The following SH3PXD2A variants were observed in gnomAD, a reference collection of about 807,000 sequenced individuals.
SH3PXD2A encodes SH3 and PX domains 2A.
In SH3PXD2A, 32 loss-of-function variants were observed where a neutral mutation model predicts 115.2. The ratio of observed to expected loss-of-function variants is 0.28; its 90% CI spans 0.21 to 0.37. The LOEUF (loss-of-function observed/expected upper bound fraction) is 0.37. SH3PXD2A is among the 10% of genes least tolerant of loss of function. SH3PXD2A has a pLI of 1.00. For synonymous variants in SH3PXD2A, 610 were observed against 629.1 expected, an observed-to-expected ratio of 0.97 and a Z score of 0.45; for missense variants, 1,328 against 1,498.7, an observed-to-expected ratio of 0.89 and a Z score of 1.88.
chr10:103,725,608 C>T (rs917540105), intron 4 of SH3PXD2A, among the ~76,000 whole-genome samples: 3 of 152,110 alleles, frequency 2.0e-5, no homozygotes, highest in Non-Finnish European at 2.9e-5. Context: ...GGGCAGATCA[C>T]TTGAGGTCAG....
intron 2 of SH3PXD2A, among the ~76,000 whole-genome samples, chr10:103,782,088 C>T (rs1032021508): frequency 2.0e-5 from 3 of 152,122 alleles, no homozygotes; most frequent in Non-Finnish European, 2.9e-5. Context: ...CACCTGGTCA[C>T]GAAGGGCTAT....
At chr10:103,609,115 C>G (rs1385603071) in intron 13 of SH3PXD2A, 1 of 149,272 alleles carries the variant, frequency 6.7e-6, no homozygotes, top group Non-Finnish European at 1.5e-5. Context: ...ATGAACAGAC[C>G]ACTGCACTCC....
chr10:103,742,615 A>G (rs2038455987), intron 3 of SH3PXD2A, among the ~76,000 whole-genome samples: 1 of 152,236 alleles, frequency 6.6e-6, no homozygotes, highest in African/African-American at 2.4e-5. Flanking sequence ...ACAGGGCCCT[A>G]TATCCCTAAG....
At chr10:103,653,603 C>G (rs1056079806) in intron 8 of SH3PXD2A, among the ~76,000 whole-genome samples, 26 of 152,220 alleles carry the variant, frequency 1.7e-4, no homozygotes, top group African/African-American at 6.0e-4. Flanking sequence ...AACTGGACAC[C>G]AGGCCTGTCC....
chr10:103,606,919 C>T (rs1178588275), intron 13 of SH3PXD2A, among the ~76,000 whole-genome samples: 1 of 152,184 alleles, frequency 6.6e-6, no homozygotes, highest in Non-Finnish European at 1.5e-5. Flanking sequence ...GCCGCCACCC[C>T]GTCTGGGAAG....
At chr10:103,684,906 A>G (rs1239051643) in intron 6 of SH3PXD2A, among the ~76,000 whole-genome samples, 1 of 152,064 alleles carries the variant, frequency 6.6e-6, no homozygotes, top group Admixed American at 6.5e-5. Flanking sequence ...TGTAGTCCCA[A>G]CTACTCAGAA....
intron 2 of SH3PXD2A, among the ~76,000 whole-genome samples, chr10:103,771,780 C>CACACAG (rs1277885378): frequency 1.3e-5 from 2 of 149,806 alleles, no homozygotes; most frequent in Non-Finnish European, 3.0e-5. Context: ...CACACACACA[C>CACACAG]AGACACACAC....
chr10:103,713,155 G>A (rs901005411), intron 5 of SH3PXD2A, among the ~76,000 whole-genome samples: 12 of 152,124 alleles, frequency 7.9e-5, no homozygotes, highest in African/African-American at 2.9e-4. Flanking sequence ...AGTTACAGAC[G>A]TGCCCAAACT....
intron 2 of SH3PXD2A, among the ~76,000 whole-genome samples, chr10:103,794,909 G>A (rs1050679865): frequency 6.6e-6 from 1 of 152,200 alleles, no homozygotes; most frequent in Non-Finnish European, 1.5e-5. Flanking sequence ...CCTAAGGATG[G>A]GCAAACTGTG....
chr10:103,618,231 C>T (rs1483149764), intron 10 of SH3PXD2A, among the ~76,000 whole-genome samples: 4 of 152,192 alleles, frequency 2.6e-5, no homozygotes, highest in Non-Finnish European at 5.9e-5. Context: ...CACCATGGTG[C>T]CTCCCCTGGT....
chr10:103,695,583 C>T (rs1284208211), intron 5 of SH3PXD2A, among the ~76,000 whole-genome samples: 1 of 151,934 alleles, frequency 6.6e-6, no homozygotes, highest in Non-Finnish European at 1.5e-5. Flanking sequence ...TGTGCCAGGC[C>T]CTGGTTGGTG....
Position 103,735,724 on chromosome 10 carries a change from A to G in SH3PXD2A, c.306+8T>C. The G allele has an allele frequency of 6.3e-7, 1 of 1,592,294 alleles. No individual in the cohort carries two copies. Among genetic ancestry groups the G allele is most frequent in the Non-Finnish European group, 8.6e-7 (1 of 1,162,852 alleles). ...GAGCCCCTCCCCCAGCCCCAGATAC[A>G]CTCTCACCCGGCAGTATTCATCGAT... On this transcript the variant is annotated splice_region_variant and intron_variant, in intron 4 of 14. Transcript: ENST00000369774.
chr10:103,816,645 A>G (rs2039326328), intron 1 of SH3PXD2A, among the ~76,000 whole-genome samples: 1 of 152,222 alleles, frequency 6.6e-6, no homozygotes, highest in Admixed American at 6.5e-5. Context: ...CAGCAATTCT[A>G]TTCTGAGGCA....
intron 7 of SH3PXD2A, among the ~76,000 whole-genome samples, chr10:103,667,644 G>A (rs920868829): frequency 6.6e-6 from 1 of 152,194 alleles, no homozygotes; most frequent in Non-Finnish European, 1.5e-5. Flanking sequence ...AGTAGGGGCT[G>A]GGCTTTGGGC....
chr10:103,713,021 A>G (rs1029601760), intron 5 of SH3PXD2A, among the ~76,000 whole-genome samples: 2 of 152,358 alleles, frequency 1.3e-5, no homozygotes, highest in South Asian at 2.1e-4. Context: ...AACCATGCTC[A>G]AGGGTCCAGC....
chr10:103,662,808 G>A (rs1318535042), intron 7 of SH3PXD2A, among the ~76,000 whole-genome samples: 1 of 152,104 alleles, frequency 6.6e-6, no homozygotes, highest in African/African-American at 2.4e-5. Context: ...GGAATTCCTA[G>A]TATACTTTTG....
chr10:103,767,253 C>T, intron 2 of SH3PXD2A, 84 bp from the exon 3 acceptor site: 2 of 1,004,826 alleles, frequency 2.0e-6, no homozygotes, highest in Non-Finnish European at 3.1e-6. Flanking sequence ...TCCACTGCTC[C>T]AGGGCCCCAG....
At chr10:103,788,189 T>C (rs2134248339) in intron 2 of SH3PXD2A, among the ~76,000 whole-genome samples, 1 of 152,312 alleles carries the variant, frequency 6.6e-6, no homozygotes, top group African/African-American at 2.4e-5. Context: ...TGGCAAGGCT[T>C]TCCTGAGGCT....
chr10:103,648,629 T>C (rs1377870131), intron 8 of SH3PXD2A, among the ~76,000 whole-genome samples: 1 of 152,250 alleles, frequency 6.6e-6, no homozygotes, highest in African/African-American at 2.4e-5. Flanking sequence ...CAAAACATTA[T>C]TTTAAAAAGG....
Sources: gnomAD v4.1 joint callset for allele counts (sites outside exome capture counted in the v4.1 genomes callset) on GRCh38, gnomAD v4.1.1 for gene constraint, MANE v1.5 for transcripts, NCBI Gene and HGNC (gene_info 2026-07-23, HGNC 2026-07-21) for gene names.